Variants in GALNT7 observed in about 807,000 individuals in gnomAD.
GALNT7 encodes N-acetylgalactosaminyltransferase 7.
A neutral mutation model predicts 82.1 loss-of-function variants in GALNT7; 60 were observed. That is an observed-to-expected ratio of 0.73 (90% CI 0.59 to 0.91). The LOEUF (loss-of-function observed/expected upper bound fraction) is 0.91. Among genes scored for constraint, GALNT7 ranks in the 40% least tolerant of loss-of-function variants. The probability of loss-of-function intolerance (pLI) is 0.00; values close to 1 mark genes in which losing one functional copy is unlikely to be tolerated. For missense variants in GALNT7, 660 were observed against 804.2 expected, an observed-to-expected ratio of 0.82 and a Z score of 2.17; for synonymous variants, 243 against 275.1, an observed-to-expected ratio of 0.88 and a Z score of 1.15.
At chr4:173,273,018 C>G (rs76310415) in intron 2 of GALNT7, among the ~76,000 whole-genome samples, 1,911 of 152,282 alleles carry the variant, frequency 0.013, 19 homozygotes, top group South Asian at 0.022. Context: ...CCTGTAATAT[C>G]TAACAATTCT....
intron 1 of GALNT7, among the ~76,000 whole-genome samples, chr4:173,205,927 A>ACGGTGGGG (rs1482157005): frequency 4.6e-5 from 7 of 151,974 alleles, no homozygotes; most frequent in African/African-American, 1.7e-4. Flanking sequence ...AGGTCCAGAG[A>ACGGTGGGG]CAGCCTGCCA....
In GALNT7 at chr4:173,281,884, A is replaced by G. The variant is rs572546984; in HGVS notation, c.588-10224A>G. ...ATGTGGACTTAACTTGTTCTGTTGC[A>G]GTTTTGCCAGTGCACCTTAAAGTAG... On this transcript the variant is annotated intron_variant, in intron 2 of 11. Transcript: ENST00000265000. 3.3e-5 allele frequency among the ~76,000 whole-genome samples: 5 copies of G among 152,206 alleles called. No individual in the cohort carries two copies. The South Asian group carries it at 1.0e-3, about 32-fold the overall frequency.
intron 8 of GALNT7, among the ~76,000 whole-genome samples, chr4:173,313,298 G>A (rs918598568): frequency 2.6e-5 from 4 of 152,060 alleles, no homozygotes; most frequent in African/African-American, 9.7e-5. Context: ...GCCAGGCACA[G>A]TGGCTCACAC....
At chr4:173,253,510 G>A (rs1419415943) in intron 2 of GALNT7, among the ~76,000 whole-genome samples, 2 of 152,128 alleles carry the variant, frequency 1.3e-5, no homozygotes, top group East Asian at 1.9e-4. Context: ...ATTAGGGGGT[G>A]GAGGCCTGTT....
At chr4:173,245,230 A>C (rs1734584382) in intron 1 of GALNT7, among the ~76,000 whole-genome samples, 1 of 152,028 alleles carries the variant, frequency 6.6e-6, no homozygotes, top group African/African-American at 2.4e-5. Context: ...AAAAAAAAAA[A>C]AAACAACTTT....
At chr4:173,206,413 C>T (rs1323215007) in intron 1 of GALNT7, among the ~76,000 whole-genome samples, 2 of 152,130 alleles carry the variant, frequency 1.3e-5, no homozygotes, top group East Asian at 3.9e-4. Flanking sequence ...TGATATTTCT[C>T]TTGGGTGGGG....
intron 1 of GALNT7, among the ~76,000 whole-genome samples, chr4:173,241,221 A>AG (rs1429840236): frequency 9.1e-6 from 1 of 109,822 alleles, no homozygotes; most frequent in African/African-American, 3.5e-5. Flanking sequence ...AAAAAAAAAA[A>AG]AAAAGAAAGA....
At chr4:173,187,140 A>G (rs1458725382) in intron 1 of GALNT7, among the ~76,000 whole-genome samples, 1 of 152,174 alleles carries the variant, frequency 6.6e-6, no homozygotes, top group Non-Finnish European at 1.5e-5. Context: ...AGCAAGTAAG[A>G]AACAAAATTA....
intron 5 of GALNT7, among the ~76,000 whole-genome samples, chr4:173,296,583 A>C (rs1736722977): frequency 6.6e-6 from 1 of 152,194 alleles, no homozygotes; most frequent in Non-Finnish European, 1.5e-5. Context: ...CAAGATAGAG[A>C]TTATTAGCCC....
intron 1 of GALNT7, among the ~76,000 whole-genome samples, chr4:173,246,352 T>A (rs1471293950): frequency 6.6e-6 from 1 of 152,242 alleles, no homozygotes; most frequent in African/African-American, 2.4e-5. Flanking sequence ...CCTTTTTTAA[T>A]GAGTTAGTTA....
rs1227205080 is a variant in GALNT7 at position 173,323,454 on chromosome 4, A to G, written c.*1737A>G. On this transcript the variant is annotated 3_prime_UTR_variant, in exon 12 of 12. Transcript: ENST00000265000. The stretch of plus-strand genomic sequence containing the variant: ...TTTAACATTTATAATTGCAAAATAA[A>G]CCAACTATAAAAAAAGAAACTAAGA... 2 of 152,610 alleles carry G rather than the reference A, an allele frequency of 1.3e-5. No individual in the cohort carries two copies. The highest frequency in any genetic ancestry group is 1.9e-4 in the East Asian group (1 of 5,204). The allele number at this position is 152,610 out of a possible 1,614,324, so 9.5% of individuals were successfully genotyped here.
At chr4:173,315,602 C>G (rs11722807) in intron 9 of GALNT7, among the ~76,000 whole-genome samples, 8,662 of 152,220 alleles carry the variant, frequency 0.057, 379 homozygotes, top group African/African-American at 0.12. Flanking sequence ...GAAGGAAAAA[C>G]CAACAGAGGA....
intron 2 of GALNT7, among the ~76,000 whole-genome samples, chr4:173,263,934 G>A (rs1055401972): frequency 1.3e-5 from 2 of 152,110 alleles, no homozygotes; most frequent in Non-Finnish European, 2.9e-5. Context: ...GATTACCTAG[G>A]TTCTAAACTG....
intron 5 of GALNT7, 137 bp from the exon 6 acceptor site, chr4:173,297,978 G>A: frequency 6.7e-7 from 1 of 1,489,028 alleles, no homozygotes; most frequent in South Asian, 1.4e-5. Flanking sequence ...AACCTTATCG[G>A]TAAAGACTAT....
At chr4:173,252,734 A>T (rs1192347344) in intron 2 of GALNT7, among the ~76,000 whole-genome samples, 2 of 152,214 alleles carry the variant, frequency 1.3e-5, no homozygotes, top group Non-Finnish European at 2.9e-5. Flanking sequence ...TTCAACAGAT[A>T]TTGAGTATCT....
intron 9 of GALNT7, chr4:173,316,867 ACATTCACACCTCTGTC>A (rs1171855772): frequency 1.3e-5 from 2 of 152,196 alleles, no homozygotes; most frequent in Non-Finnish European, 2.9e-5. Flanking sequence ...CTTCCTCTGT[ACATTCACACCTCTGTC>A]CTGACTGGTC....
At chr4:173,266,098 A>G (rs1735479197) in intron 2 of GALNT7, among the ~76,000 whole-genome samples, 1 of 152,114 alleles carries the variant, frequency 6.6e-6, no homozygotes, top group Non-Finnish European at 1.5e-5. Context: ...TCTCTACTAC[A>G]AATACAAAAA....
rs138973684 is a variant in GALNT7 at position 173,232,810 on chromosome 4, G to A, written c.127-15170G>A. 5.5e-4 allele frequency among the ~76,000 whole-genome samples: 84 copies of A among 151,990 alleles called. No individual in the cohort carries two copies. The East Asian group carries it at 9.5e-3, about 17-fold the overall frequency. ...TGTACAATAAATTGTTGTTCCCTAT[G>A]GTCACCCTACTGTGGTACTGAACAC... On this transcript the variant is annotated intron_variant, in intron 1 of 11. Coordinates refer to ENST00000265000, the MANE Select transcript of GALNT7 (RefSeq NM_017423.3).
intron 1 of GALNT7, among the ~76,000 whole-genome samples, chr4:173,221,222 T>C (rs1340769267): frequency 6.6e-6 from 1 of 152,170 alleles, no homozygotes; most frequent in Non-Finnish European, 1.5e-5. Flanking sequence ...TATCTCATTG[T>C]GGTTTTGATT....
Sources: gnomAD v4.1 joint callset for allele counts (sites outside exome capture counted in the v4.1 genomes callset) on GRCh38, gnomAD v4.1.1 for gene constraint, MANE v1.5 for transcripts, NCBI Gene and HGNC (gene_info 2026-07-23, HGNC 2026-07-21) for gene names.